The following ENAH variants were observed in gnomAD, a reference collection of about 807,000 sequenced individuals.
The protein encoded by ENAH is ENAH actin regulator.
A neutral mutation model predicts 78.7 loss-of-function variants in ENAH; 23 were observed. That is an observed-to-expected ratio of 0.29 (90% confidence interval 0.21 to 0.41). The LOEUF (loss-of-function observed/expected upper bound fraction) is 0.41. Among genes scored for constraint, ENAH ranks in the 10% least tolerant of loss-of-function variants. The pLI is 1.00. For missense variants in ENAH, 544 were observed against 691.0 expected (o/e 0.79, Z 2.39); for synonymous variants, 226 against 241.0 (o/e 0.94, Z 0.58).
At chr1:225,517,856 C>T in intron 5 of ENAH, 2 of 1,551,402 alleles carry the variant, frequency 1.3e-6, no homozygotes, top group South Asian at 1.2e-5. Context: ...GCAGTCACTA[C>T]AGCATAATCA....
intron 1 of ENAH, among the ~76,000 whole-genome samples, chr1:225,623,746 C>T (rs1003496726): frequency 1.3e-5 from 2 of 152,012 alleles, no homozygotes; most frequent in African/African-American, 2.4e-5. Context: ...CCACCACGCC[C>T]GGCTAATTTT....
At chr1:225,639,709 C>CAA (rs1660681806) in intron 1 of ENAH, among the ~76,000 whole-genome samples, 1 of 139,990 alleles carries the variant, frequency 7.1e-6, no homozygotes, top group Non-Finnish European at 1.5e-5. Context: ...GGATTAAACA[C>CAA]ACACACACAC....
chr1:225,642,703 G>A (rs576851745), intron 1 of ENAH, among the ~76,000 whole-genome samples: 3 of 152,086 alleles, frequency 2.0e-5, no homozygotes, highest in Non-Finnish European at 2.9e-5. Context: ...TATCGGATAC[G>A]ATATATGTAT....
intron 1 of ENAH, among the ~76,000 whole-genome samples, chr1:225,629,010 T>C (rs1410444476): frequency 2.0e-5 from 3 of 151,814 alleles, no homozygotes; most frequent in African/African-American, 2.4e-5. Context: ...CCAAGCGCAG[T>C]GGCTTACAAC....
In ENAH at chr1:225,633,652, G is replaced by A. The variant is rs190787012; in HGVS notation, c.5+19034C>T. 9.9e-5 allele frequency among the ~76,000 whole-genome samples: 15 copies of A among 152,230 alleles called. No individual in the cohort carries two copies. In the East Asian group the frequency reaches 1.4e-3, roughly 14 times the overall value. On this transcript the variant is annotated intron_variant, in intron 1 of 13. Coordinates refer to ENST00000366843, the MANE Select transcript of ENAH (RefSeq NM_018212.6). ...TCCTACACTGTAAAACAGCAATGAC[G>A]ACATGAATCTCATGGCTTATTCGAA...
intron 3 of ENAH, among the ~76,000 whole-genome samples, chr1:225,542,495 A>T (rs2096594394): frequency 6.6e-6 from 1 of 152,142 alleles, no homozygotes; most frequent in African/African-American, 2.4e-5. Flanking sequence ...TGGGAATCCT[A>T]TTGCCCTTGC....
intron 1 of ENAH, among the ~76,000 whole-genome samples, chr1:225,635,685 G>T (rs1344517133): frequency 6.6e-6 from 1 of 152,176 alleles, no homozygotes; most frequent in East Asian, 1.9e-4. Flanking sequence ...CTTTGCAGAT[G>T]TAATTAGTTA....
At chr1:225,522,344 C>T (rs1224604462) in intron 4 of ENAH, among the ~76,000 whole-genome samples, 1 of 152,202 alleles carries the variant, frequency 6.6e-6, no homozygotes, top group African/African-American at 2.4e-5. Flanking sequence ...TCATAAAACA[C>T]ACACCCTCTC....
rs1558685199 is a variant in ENAH, at chr1:225,491,494, GA to G, written c.*6280del. The G allele has an allele frequency of 6.7e-6, 1 of 149,690 alleles. No individual in the cohort carries two copies. Among genetic ancestry groups the G allele is most frequent in the East Asian group, 1.9e-4 (1 of 5,136 alleles). The allele number at this position is 149,690 out of a possible 1,614,324, so 9.3% of individuals were successfully genotyped here. A position where few individuals can be genotyped will look rare whatever the true frequency, so the allele number is the denominator to read the frequency against. The stretch of plus-strand genomic sequence containing the variant: ...TTAATCTTTAAAAAAAAAAATAAAA[GA>G]AAAAGAAAAAAAGAAAAGAGGTTTC... On this transcript the variant is annotated 3_prime_UTR_variant, in exon 14 of 14. Coordinates refer to ENST00000366843, the MANE Select transcript of ENAH (RefSeq NM_018212.6).
At chr1:225,619,009 C>G (rs1278274253) in intron 1 of ENAH, among the ~76,000 whole-genome samples, 1 of 152,070 alleles carries the variant, frequency 6.6e-6, no homozygotes, top group Non-Finnish European at 1.5e-5. Flanking sequence ...AGATGCCAAG[C>G]CTACATCAAT....
intron 1 of ENAH, among the ~76,000 whole-genome samples, chr1:225,579,174 C>T (rs2096802175): frequency 6.6e-6 from 1 of 152,158 alleles, no homozygotes; most frequent in South Asian, 2.1e-4. Context: ...AGCAGCCAGT[C>T]TGCTTCCAGG....
chr1:225,627,223 T>A (rs1658115216), intron 1 of ENAH, among the ~76,000 whole-genome samples: 1 of 152,230 alleles, frequency 6.6e-6, no homozygotes, highest in African/African-American at 2.4e-5. Context: ...TATAAACTTG[T>A]ATGAAAATAT....
At chr1:225,537,293 G>C (rs1024343128) in intron 3 of ENAH, among the ~76,000 whole-genome samples, 3 of 152,154 alleles carry the variant, frequency 2.0e-5, no homozygotes, top group Non-Finnish European at 4.4e-5. Flanking sequence ...TGCTGCGTAA[G>C]ACAAAACATT....
At chr1:225,526,316 A>ATTTC (rs2096504336) in intron 4 of ENAH, among the ~76,000 whole-genome samples, 1 of 145,160 alleles carries the variant, frequency 6.9e-6, no homozygotes, top group Non-Finnish European at 1.5e-5. Context: ...CAAAACTTCT[A>ATTTC]TTTCTTTCTT....
upstream of ENAH, among the ~76,000 whole-genome samples, chr1:225,653,439 C>A (rs903894673): frequency 6.6e-6 from 1 of 150,786 alleles, no homozygotes; most frequent in Non-Finnish European, 1.5e-5. This position sits in a 1 kb window ranked among gnomAD's most constrained non-coding sequence, Gnocchi z 4.3. Flanking sequence ...CCAACACCTC[C>A]GGCCAGTTGT....
intron 1 of ENAH, among the ~76,000 whole-genome samples, chr1:225,572,630 A>T (rs928994613): frequency 3.3e-5 from 5 of 152,230 alleles, no homozygotes; most frequent in Non-Finnish European, 7.3e-5. Context: ...ACACTGGTGA[A>T]CAAATACTAG....
rs2096739705 is a variant in ENAH, at chr1:225,567,292, T to C, written c.128A>G (p.Asn43Ser). 1.9e-6 allele frequency: 3 copies of C among 1,614,160 alleles called. No homozygotes were observed. Among genetic ancestry groups the C allele is most frequent in the Non-Finnish European group, 2.5e-6 (3 of 1,180,010 alleles). Residue 43 changes from asparagine (N) to serine (S), a missense_variant, in exon 2 of 14, where the codon AAC becomes AGC. Physicochemically the swap from Asn to Ser is conservative, Grantham distance 46. Coordinates refer to ENST00000366843, the MANE Select transcript of ENAH (RefSeq NM_018212.6). ...CCTGCCCACCACTCTGAATGTGTTG[T>C]TGCCTGTATGGTGATAGATATGAAC... ...SRVHIYHHTG[N>S]NTFRVVGRKI...
intron 2 of ENAH, among the ~76,000 whole-genome samples, chr1:225,562,589 A>C (rs1242646600): frequency 4.0e-5 from 6 of 148,516 alleles, no homozygotes; most frequent in African/African-American, 1.0e-4. Context: ...AAAAAAAAAA[A>C]AAAAAAAAAA....
chr1:225,568,422 C>A, intron 1 of ENAH, among the ~76,000 whole-genome samples: 1 of 152,124 alleles, frequency 6.6e-6, no homozygotes, highest in African/African-American at 2.4e-5. Flanking sequence ...ATGGGTTCAT[C>A]TTTCAAATAT....
Sources: allele counts gnomAD v4.1 joint callset (sites outside exome capture counted in the v4.1 genomes callset), GRCh38; gene constraint gnomAD v4.1.1; non-coding constraint Gnocchi (gnomAD v3.1); transcripts MANE v1.5; gene names NCBI Gene and HGNC (gene_info 2026-07-23, HGNC 2026-07-21).